Variants in RASSF6 observed in about 807,000 individuals in gnomAD.
RASSF6 encodes ras association domain-containing protein 6.
Under a neutral mutation model 44.0 loss-of-function variants are expected in RASSF6, and 52 were observed. The observed-to-expected ratio is 1.18, with a 90% CI of 0.95 to 1.49. RASSF6 has a LOEUF of 1.49. RASSF6 is among the 40% of genes most tolerant of loss of function. The probability of loss-of-function intolerance (pLI) is 0.00; values close to 1 mark genes in which losing one functional copy is unlikely to be tolerated. For missense variants in RASSF6, 464 were observed against 393.3 expected, an observed-to-expected ratio of 1.18 and a Z score of -1.52; for synonymous variants, 162 against 124.6, an observed-to-expected ratio of 1.30 and a Z score of -2.00.
intron 1 of RASSF6, among the ~76,000 whole-genome samples, chr4:73,618,500 T>A (rs936155982): frequency 2.6e-5 from 4 of 152,158 alleles, no homozygotes; most frequent in Non-Finnish European, 5.9e-5. Flanking sequence ...TATAACAATA[T>A]GGAAATTCAG....
In RASSF6 at chr4:73,572,940, C is replaced by G. The variant is rs1722990556; in HGVS notation, c.*3295G>C. ...ATGCAAATATTAGTGTTCACACACA[C>G]AAATACATATATATATACACACACA... On this transcript the variant is annotated 3_prime_UTR_variant, in exon 11 of 11. Coordinates refer to ENST00000307439, the MANE Select transcript of RASSF6 (RefSeq NM_177532.5). 6.6e-6 allele frequency: 1 copy of G among 151,918 alleles called. No homozygotes were observed. The highest frequency in any genetic ancestry group is 1.5e-5 in the Non-Finnish European group (1 of 67,992). 9.4% of individuals were successfully genotyped at this position (151,918 alleles called of 1,614,324 possible). A position where few individuals can be genotyped will look rare whatever the true frequency, so the allele number is the denominator to read the frequency against.
Position 73,598,734 on chromosome 4 carries a change from A to T in RASSF6, c.66-16T>A, listed in dbSNP as rs759186558. On this transcript the variant is annotated splice_polypyrimidine_tract_variant and intron_variant, in intron 2 of 10. Transcript: ENST00000307439. ...AAGTTGTTCCCTAAAAATAAAAAAAAATTAATTACAATCAGTCTTAGAGTT... is the reference window on the plus strand; with the variant it reads ...AAGTTGTTCCCTAAAAATAAAAAAATATTAATTACAATCAGTCTTAGAGTT... 7 of 1,124,122 alleles carry T rather than the reference A, an allele frequency of 6.2e-6. No individual in the cohort carries two copies. Among genetic ancestry groups the T allele is most frequent in the East Asian group, 5.2e-5 (2 of 38,516 alleles). The allele number at this position is 1,124,122 out of a possible 1,614,324, so 69.6% of individuals were successfully genotyped here. A position where few individuals can be genotyped will look rare whatever the true frequency, so the allele number is the denominator to read the frequency against.
intron 3 of RASSF6, among the ~76,000 whole-genome samples, 174 bp downstream of exon 3, chr4:73,598,466 A>G (rs1429974190): frequency 6.6e-6 from 1 of 152,204 alleles, no homozygotes; most frequent in Non-Finnish European, 1.5e-5. Flanking sequence ...AAAATTTTTA[A>G]ATGCTTTTCT....
At chr4:73,598,897 A>C (rs1401450886) in intron 2 of RASSF6, among the ~76,000 whole-genome samples, 179 bp from the exon 3 acceptor site, 1 of 152,228 alleles carries the variant, frequency 6.6e-6, no homozygotes, top group Non-Finnish European at 1.5e-5. Context: ...ATATCAGCAA[A>C]TGTTGAAGTT....
intron 4 of RASSF6, among the ~76,000 whole-genome samples, chr4:73,592,452 G>A (rs182430403): frequency 6.6e-6 from 1 of 152,110 alleles, no homozygotes; most frequent in Admixed American, 6.5e-5. Flanking sequence ...GAGCTGGAGA[G>A]GTAAGGACTA....
chr4:73,596,325 G>C (rs1724941056), intron 3 of RASSF6, among the ~76,000 whole-genome samples: 1 of 152,168 alleles, frequency 6.6e-6, no homozygotes, highest in African/African-American at 2.4e-5. Context: ...AAAGTTGCTA[G>C]CATTCTTATA....
At chr4:73,577,586 C>G (rs72649113) in intron 8 of RASSF6, among the ~76,000 whole-genome samples, 1 of 152,098 alleles carries the variant, frequency 6.6e-6, no homozygotes, top group Non-Finnish European at 1.5e-5. Context: ...AAAAGCCCAG[C>G]CTCCCCACAA....
At chr4:73,607,342 C>G (rs1168862847) in intron 2 of RASSF6, among the ~76,000 whole-genome samples, 2 of 152,134 alleles carry the variant, frequency 1.3e-5, no homozygotes, top group Non-Finnish European at 2.9e-5. Context: ...CACCCCAGCA[C>G]CCTGGGCACC....
intron 5 of RASSF6, 65 bp downstream of exon 5, chr4:73,587,773 CAT>C: frequency 1.1e-6 from 1 of 919,870 alleles, no homozygotes; most frequent in Non-Finnish European, 1.8e-6. Context: ...TTCAGAGAAA[CAT>C]ATGGAGTCAT....
In RASSF6 at chr4:73,611,819, C is replaced by A; in HGVS notation, c.-24G>T. On this transcript the variant is annotated 5_prime_UTR_variant, in exon 2 of 11. Transcript: ENST00000307439. ...ATCTTTTCCTCCTTTTTGAGATGGT[C>A]TGAGGATATCCTAAACATGAGAATA... 2 of 1,597,834 alleles carry A rather than the reference C, an allele frequency of 1.3e-6. No homozygotes were observed. The highest frequency in any genetic ancestry group is 1.7e-6 in the Non-Finnish European group (2 of 1,166,054).
At chr4:73,620,257 G>T (rs1726613885) in intron 1 of RASSF6, 31 bp downstream of exon 1, 2 of 1,361,594 alleles carry the variant, frequency 1.5e-6, no homozygotes, top group Non-Finnish European at 9.5e-7. Context: ...GAGTGGATTA[G>T]AAAGTTTTTT....
At chr4:73,588,312 C>T (rs892567953) in intron 4 of RASSF6, among the ~76,000 whole-genome samples, 1 of 152,018 alleles carries the variant, frequency 6.6e-6, no homozygotes, top group South Asian at 2.1e-4. Flanking sequence ...GTTCTTTATA[C>T]ATTCTGTCAA....
At chr4:73,597,811 G>T (rs1247260359) in intron 3 of RASSF6, among the ~76,000 whole-genome samples, 1 of 152,172 alleles carries the variant, frequency 6.6e-6, no homozygotes, top group Non-Finnish European at 1.5e-5. Context: ...ACAAGGCCAT[G>T]TCCTTTGCAG....
At position 73,576,054 on chromosome 4, in the gene RASSF6, C is replaced by T; in HGVS notation, c.*181G>A. The T allele has an allele frequency of 2.2e-6, 1 of 456,394 alleles. No homozygotes were observed. The highest frequency in any genetic ancestry group is 3.9e-6 in the Non-Finnish European group (1 of 258,492). 28.3% of individuals were successfully genotyped at this position (456,394 alleles called of 1,614,324 possible). Reference sequence around the variant, plus strand: ...AAACTAAACTCAAACTCATTTTGTCCAACTGTGAACCCTAATTAACCTCAT... The same window carrying T: ...AAACTAAACTCAAACTCATTTTGTCTAACTGTGAACCCTAATTAACCTCAT... On this transcript the variant is annotated 3_prime_UTR_variant, in exon 11 of 11. Coordinates refer to ENST00000307439, the MANE Select transcript of RASSF6 (RefSeq NM_177532.5).
In RASSF6 at chr4:73,576,138, A is replaced by G. The variant is rs553385042; in HGVS notation, c.*97T>C. The G allele has an allele frequency of 6.9e-5, 45 of 648,326 alleles. No individual in the cohort carries two copies. The highest frequency in any genetic ancestry group is 1.1e-4 in the Non-Finnish European group (41 of 383,554). The allele number at this position is 648,326 out of a possible 1,614,324, so 40.2% of individuals were successfully genotyped here. On this transcript the variant is annotated 3_prime_UTR_variant, in exon 11 of 11. Coordinates refer to ENST00000307439, the MANE Select transcript of RASSF6 (RefSeq NM_177532.5). ...CAATTTTCTACGATTCAAGTCTCATATATGTTCGTATAAATGCAAGTACAG... is the reference window on the plus strand; with the variant it reads ...CAATTTTCTACGATTCAAGTCTCATGTATGTTCGTATAAATGCAAGTACAG...
chr4:73,572,325 T>C lies in RASSF6; in HGVS notation c.*3910A>G, dbSNP rs1722963607. 1 of 152,186 alleles carries C rather than the reference T, an allele frequency of 6.6e-6. No individual in the cohort carries two copies. The highest frequency in any genetic ancestry group is 6.5e-5 in the Admixed American group (1 of 15,284). 9.4% of individuals were successfully genotyped at this position (152,186 alleles called of 1,614,324 possible). A position where few individuals can be genotyped will look rare whatever the true frequency, so the allele number is the denominator to read the frequency against. ...GGAAGCCACAGTGACTTTTATGACCTACTTCAAAGTCTCACAGTCTCTTCC... is the reference window on the plus strand; with the variant it reads ...GGAAGCCACAGTGACTTTTATGACCCACTTCAAAGTCTCACAGTCTCTTCC... On this transcript the variant is annotated 3_prime_UTR_variant, in exon 11 of 11. Transcript: ENST00000307439.
rs200759970 is a variant in RASSF6, at chr4:73,593,610, T to A, written c.145-17A>T. The A allele has an allele frequency of 7.5e-6, 12 of 1,601,280 alleles. No homozygotes were observed. The East Asian group carries it at 2.5e-4, about 33-fold the overall frequency. On this transcript the variant is annotated splice_polypyrimidine_tract_variant and intron_variant, in intron 3 of 10. Coordinates refer to ENST00000307439, the MANE Select transcript of RASSF6 (RefSeq NM_177532.5). Reference sequence around the variant, plus strand: ...ATCTTCAGTCTAAGGAAGAAATGAATAATCCCCCAATTGTTTTTGTATTAT... The same window carrying A: ...ATCTTCAGTCTAAGGAAGAAATGAAAAATCCCCCAATTGTTTTTGTATTAT...
At chr4:73,586,156 G>C (rs987301893) in intron 5 of RASSF6, among the ~76,000 whole-genome samples, 4 of 151,536 alleles carry the variant, frequency 2.6e-5, no homozygotes, top group Non-Finnish European at 5.9e-5. Flanking sequence ...AAAAGGAATA[G>C]TATGCTTTGG....
At chr4:73,620,527 C>G (rs371951970), upstream of RASSF6, 40 of 1,476,340 alleles carry the variant, frequency 2.7e-5, 1 homozygote, top group South Asian at 6.3e-5. Context: ...TGCAGTGCCC[C>G]CGACGCGATC....
Sources: gnomAD v4.1 joint callset for allele counts (sites outside exome capture counted in the v4.1 genomes callset) on GRCh38, gnomAD v4.1.1 for gene constraint, MANE v1.5 for transcripts, NCBI Gene and HGNC (gene_info 2026-07-23, HGNC 2026-07-21) for gene names.